EYS: variants seen among roughly 807,000 people sequenced by gnomAD.
EYS encodes the protein protein eyes shut homolog.
Under a neutral mutation model 282.1 loss-of-function variants are expected in EYS, and 250 were observed. The ratio of observed to expected loss-of-function variants is 0.89; its 90% CI spans 0.80 to 0.98. The LOEUF is 0.98. Among genes scored for constraint, EYS ranks in the 50% least tolerant of loss-of-function variants. EYS has a pLI of 0.00. For missense variants in EYS, 4,016 were observed against 3,709.0 expected (o/e 1.08, Z -2.15); for synonymous variants, 1,355 against 1,282.9 (o/e 1.06, Z -1.20).
chr6:64,536,867 A>G (rs1764532781), intron 26 of EYS, among the ~76,000 whole-genome samples: 1 of 151,690 alleles, frequency 6.6e-6, no homozygotes, highest in African/African-American at 2.4e-5. Context: ...TTAAATAAGT[A>G]TAAATCTTTA....
chr6:65,468,315 A>C (rs1338633099), intron 5 of EYS, among the ~76,000 whole-genome samples: 1 of 152,082 alleles, frequency 6.6e-6, no homozygotes, highest in Non-Finnish European at 1.5e-5. Context: ...TTTTGGGGCA[A>C]GAATAGGGGA....
chr6:63,875,981 C>T (rs1455588642), intron 35 of EYS, among the ~76,000 whole-genome samples: 1 of 152,132 alleles, frequency 6.6e-6, no homozygotes, highest in Non-Finnish European at 1.5e-5. Flanking sequence ...TTCAGTTCTG[C>T]TCTGATCTTA....
chr6:64,725,388 C>T (rs1454639794), intron 22 of EYS, among the ~76,000 whole-genome samples: 2 of 152,008 alleles, frequency 1.3e-5, no homozygotes, highest in Non-Finnish European at 1.5e-5. Flanking sequence ...CCCTTCCCAC[C>T]CATCAGAATA....
chr6:64,966,208 T>C (rs892907146), intron 14 of EYS, among the ~76,000 whole-genome samples: 2 of 152,114 alleles, frequency 1.3e-5, no homozygotes, highest in Non-Finnish European at 2.9e-5. Context: ...AGTATCAAAA[T>C]ATGAGAAAAA....
At chr6:64,860,178 C>A (rs114531496) in intron 19 of EYS, among the ~76,000 whole-genome samples, 2,582 of 152,266 alleles carry the variant, frequency 0.017, 70 homozygotes, top group African/African-American at 0.059. Context: ...CTAGAGTTTG[C>A]AGTATGTATT....
intron 7 of EYS, among the ~76,000 whole-genome samples, chr6:65,391,853 G>A (rs1011945174): frequency 8.6e-5 from 13 of 151,144 alleles, no homozygotes; most frequent in South Asian, 6.3e-4. Context: ...AAAAGAGCCC[G>A]CATTGCCAAG....
chr6:63,905,343 T>C (rs1231505531), intron 35 of EYS, among the ~76,000 whole-genome samples: 1 of 149,594 alleles, frequency 6.7e-6, no homozygotes. Context: ...TTTTTTTTTT[T>C]TTTTGAGACG....
rs536303453 is a variant in EYS at position 63,783,099 on chromosome 6, G to A, written c.7724-4919C>T. On this transcript the variant is annotated intron_variant, in intron 39 of 42. Transcript: ENST00000503581. Reference sequence around the variant, plus strand: ...TCACAAGAAACCGAAAGTACTGACCGTGTTGGCTATTTTTAGATGAGAATA... The same window carrying A: ...TCACAAGAAACCGAAAGTACTGACCATGTTGGCTATTTTTAGATGAGAATA... Among the ~76,000 whole-genome samples, 11 of 152,120 alleles carry A rather than the reference G, an allele frequency of 7.2e-5. No homozygotes were observed. The South Asian group carries it at 8.3e-4, about 11-fold the overall frequency.
chr6:64,672,532 A>G (rs1012667450), intron 22 of EYS, among the ~76,000 whole-genome samples: 30 of 152,162 alleles, frequency 2.0e-4, no homozygotes, highest in Admixed American at 1.3e-4. Context: ...TTCACTTTTT[A>G]TTACTCTCTA....
intron 22 of EYS, among the ~76,000 whole-genome samples, chr6:64,668,543 C>CTTTTTT (rs35765768): frequency 2.0e-4 from 15 of 76,154 alleles, no homozygotes; most frequent in East Asian, 4.4e-4. Context: ...TACCACAATT[C>CTTTTTT]TTTTTTTTTT....
intron 29 of EYS, among the ~76,000 whole-genome samples, chr6:64,350,291 T>A (rs1469267197): frequency 1.3e-5 from 2 of 151,132 alleles, no homozygotes; most frequent in East Asian, 3.9e-4. Flanking sequence ...GAAAAAAAGG[T>A]AAAGACTTTA....
At chr6:65,118,215 G>C (rs561047165) in intron 12 of EYS, among the ~76,000 whole-genome samples, 2 of 152,178 alleles carry the variant, frequency 1.3e-5, no homozygotes, top group Non-Finnish European at 2.9e-5. Context: ...TGAAACTGAA[G>C]TGTTCTGAGC....
At chr6:65,604,199 C>T (rs775509844) in intron 2 of EYS, among the ~76,000 whole-genome samples, 6 of 151,836 alleles carry the variant, frequency 4.0e-5, no homozygotes, top group Admixed American at 1.3e-4. Flanking sequence ...GTTCTGCCCT[C>T]TTTTTTAAAT....
chr6:65,459,262 C>T (rs1193292621), intron 5 of EYS, among the ~76,000 whole-genome samples: 1 of 151,922 alleles, frequency 6.6e-6, no homozygotes, highest in Non-Finnish European at 1.5e-5. Context: ...GTCACAGAGA[C>T]TGGGGATATT....
At position 64,272,562 on chromosome 6, in the gene EYS, G is replaced by T. The variant is rs144555533; in HGVS notation, c.6191+34408C>A. 1.2e-3 allele frequency among the ~76,000 whole-genome samples: 183 copies of T among 152,222 alleles called. 1 individual carries two copies. The highest frequency in any genetic ancestry group is 9.7e-3 in the South Asian group (47 of 4,824). Reference sequence around the variant, plus strand: ...AGTTTGGCTGGATATGTAATTCTGGGTTGAAAATTCTTTTCTTTAAGAATG... The same window carrying T: ...AGTTTGGCTGGATATGTAATTCTGGTTTGAAAATTCTTTTCTTTAAGAATG... On this transcript the variant is annotated intron_variant, in intron 30 of 42. Coordinates refer to ENST00000503581, the MANE Select transcript of EYS (RefSeq NM_001142800.2).
intron 7 of EYS, among the ~76,000 whole-genome samples, chr6:65,393,857 T>C (rs940745268): frequency 6.6e-6 from 1 of 151,898 alleles, no homozygotes; most frequent in South Asian, 2.1e-4. Context: ...AAAAACACAA[T>C]AAGCTGAGAA....
At chr6:63,973,706 T>C (rs1312106213) in intron 35 of EYS, among the ~76,000 whole-genome samples, 3 of 152,156 alleles carry the variant, frequency 2.0e-5, no homozygotes, top group African/African-American at 7.2e-5. Flanking sequence ...CAATGGCAGT[T>C]AGTGGTGGTA....
chr6:64,351,728 G>C lies in EYS; in HGVS notation c.6078+36962C>G, dbSNP rs569377879. 9.9e-5 allele frequency among the ~76,000 whole-genome samples: 15 copies of C among 151,566 alleles called. No homozygotes were observed. In the South Asian group the frequency reaches 2.9e-3, roughly 29 times the overall value. ...TTCATCAGGTGATTGAGGATTTCTA[G>C]GGGAACAAAAGCCCTGATATTTTCC... On this transcript the variant is annotated intron_variant, in intron 29 of 42. Coordinates refer to ENST00000503581, the MANE Select transcript of EYS (RefSeq NM_001142800.2).
intron 36 of EYS, among the ~76,000 whole-genome samples, chr6:63,819,926 C>G (rs1771278213): frequency 6.6e-6 from 1 of 152,148 alleles, no homozygotes; most frequent in Non-Finnish European, 1.5e-5. Context: ...GGGATTATAT[C>G]AGGGGTCCGG....
Sources: allele counts gnomAD v4.1 joint callset (sites outside exome capture counted in the v4.1 genomes callset), GRCh38; gene constraint gnomAD v4.1.1; transcripts MANE v1.5; gene names NCBI Gene and HGNC (gene_info 2026-07-23, HGNC 2026-07-21).